Variants in TRPC4 observed in about 807,000 individuals in gnomAD.
The protein encoded by TRPC4 is short transient receptor potential channel 4.
A neutral mutation model predicts 99.4 loss-of-function variants in TRPC4; 49 were observed. The ratio of observed to expected loss-of-function variants is 0.49; its 90% confidence interval spans 0.39 to 0.63. The LOEUF is 0.63. Among genes scored for constraint, TRPC4 ranks in the 20% least tolerant of loss-of-function variants. TRPC4 has a pLI of 0.00. For missense variants in TRPC4, 898 were observed against 1,152.9 expected (o/e 0.78, Z 3.20); for synonymous variants, 454 against 425.9 (o/e 1.07, Z -0.81).
chr13:37,780,198 T>C (rs1956803985), intron 2 of TRPC4, among the ~76,000 whole-genome samples: 1 of 152,140 alleles, frequency 6.6e-6, no homozygotes, highest in African/African-American at 2.4e-5. Context: ...ATGAAATCTT[T>C]CTTTTTCCAG....
At chr13:37,853,862 T>C (rs117590346) in intron 1 of TRPC4, among the ~76,000 whole-genome samples, 10,526 of 151,784 alleles carry the variant, frequency 0.069, 495 homozygotes, top group Non-Finnish European at 0.11. Context: ...GACAGGCTAT[T>C]TGAAAATACA....
Position 37,773,064 on chromosome 13 carries a change from C to T in TRPC4, c.378+9892G>A, listed in dbSNP as rs17056625. On this transcript the variant is annotated intron_variant, in intron 2 of 10. Coordinates refer to ENST00000379705, the MANE Select transcript of TRPC4 (RefSeq NM_016179.4). ...AAATCAGTAACTTAATGCACTCAAG[C>T]TTCAGTCAGGGGCAAAGATTCAGTC... 3.8e-3 allele frequency among the ~76,000 whole-genome samples: 580 copies of T among 151,730 alleles called. 2 individuals carry two copies. The highest frequency in any genetic ancestry group is 0.013 in the African/African-American group (554 of 41,446).
chr13:37,749,896 G>T (rs1196081614), intron 2 of TRPC4, among the ~76,000 whole-genome samples: 2 of 152,004 alleles, frequency 1.3e-5, no homozygotes, highest in Admixed American at 1.3e-4. Flanking sequence ...TATACAGCTT[G>T]ATGACTTTTA....
chr13:37,868,617 G>T (rs1362557849), intron 1 of TRPC4, among the ~76,000 whole-genome samples: 1 of 143,930 alleles, frequency 6.9e-6, no homozygotes, highest in Non-Finnish European at 1.5e-5. Context: ...AACTGAAAAA[G>T]TTTTACAAGT....
intron 1 of TRPC4, among the ~76,000 whole-genome samples, chr13:37,856,478 C>G (rs938161843): frequency 2.0e-5 from 3 of 150,348 alleles, no homozygotes; most frequent in African/African-American, 7.3e-5. Context: ...CCATACTACT[C>G]AGACTATTCC....
chr13:37,766,282 T>C (rs555327394), intron 2 of TRPC4, among the ~76,000 whole-genome samples: 97 of 151,556 alleles, frequency 6.4e-4, no homozygotes, highest in Non-Finnish European at 1.2e-3. Flanking sequence ...CCTCACATCT[T>C]AACCCACTTT....
intron 1 of TRPC4, among the ~76,000 whole-genome samples, chr13:37,831,077 T>C (rs1226553689): frequency 6.6e-6 from 1 of 151,848 alleles, no homozygotes; most frequent in African/African-American, 2.4e-5. Flanking sequence ...GTTAGTTGTT[T>C]CTTTTGCTGT....
chr13:37,655,094 C>T lies in TRPC4; in HGVS notation c.1878G>A (p.Leu626=). 6.5e-7 allele frequency: 1 copy of T among 1,528,310 alleles called. No individual in the cohort carries two copies. Among genetic ancestry groups the T allele is most frequent in the Non-Finnish European group, 8.8e-7 (1 of 1,131,544 alleles). The allele number at this position is 1,528,310 out of a possible 1,614,324, so 94.7% of individuals were successfully genotyped here. The part of the protein sequence containing the change: ...LIAMMNNSYQ[L]IADHADIEWK... ...ATAAAGCTGGTCAACTTACAGCAATCAGTTGGTAAGAATTATTCATCATAG... is the reference window on the plus strand; with the variant it reads ...ATAAAGCTGGTCAACTTACAGCAATTAGTTGGTAAGAATTATTCATCATAG... Residue 626 remains leucine (L), a synonymous_variant, in exon 7 of 11, where the codon CTG becomes CTA. Coordinates refer to ENST00000379705, the MANE Select transcript of TRPC4 (RefSeq NM_016179.4).
intron 2 of TRPC4, among the ~76,000 whole-genome samples, chr13:37,782,685 G>A (rs989314941): frequency 1.3e-5 from 2 of 151,966 alleles, no homozygotes; most frequent in Non-Finnish European, 2.9e-5. Flanking sequence ...TCCAATTTAT[G>A]AGCAGTCTAC....
chr13:37,746,032 T>C lies in TRPC4; in HGVS notation c.802A>G (p.Ile268Val). 1.9e-6 allele frequency: 3 copies of C among 1,613,908 alleles called. No individual in the cohort carries two copies. Among genetic ancestry groups the C allele is most frequent in the Non-Finnish European group, 2.5e-6 (3 of 1,179,852 alleles). Residue 268 changes from isoleucine (I) to valine (V), a missense_variant, in exon 3 of 11, where the codon ATT becomes GTT. Coordinates refer to ENST00000379705, the MANE Select transcript of TRPC4 (RefSeq NM_016179.4). ...QTRSSRELEI[I>V]LNYRDDNSLI... is the part of the protein sequence containing the mutation. ...CTATTGTCATCTCGGTAATTAAGAATGATTTCCAGTTCTCTGGAACTTCTC... is the reference window on the plus strand; with the variant it reads ...CTATTGTCATCTCGGTAATTAAGAACGATTTCCAGTTCTCTGGAACTTCTC...
At chr13:37,780,000 A>G (rs1021647814) in intron 2 of TRPC4, among the ~76,000 whole-genome samples, 4 of 151,942 alleles carry the variant, frequency 2.6e-5, no homozygotes, top group African/African-American at 4.8e-5. Flanking sequence ...TCATATTCCC[A>G]TGATACTTTT....
chr13:37,660,192 G>A (rs1013553533), intron 6 of TRPC4, among the ~76,000 whole-genome samples: 2 of 152,106 alleles, frequency 1.3e-5, no homozygotes, highest in African/African-American at 2.4e-5. Flanking sequence ...TATACTTAAG[G>A]TTAGGGTTAG....
chr13:37,785,754 G>A (rs1387279213), intron 1 of TRPC4, among the ~76,000 whole-genome samples: 1 of 152,040 alleles, frequency 6.6e-6, no homozygotes, highest in Non-Finnish European at 1.5e-5. Flanking sequence ...ATTAGGTAGA[G>A]AACAGCATTT....
intron 4 of TRPC4, among the ~76,000 whole-genome samples, chr13:37,685,309 G>T (rs1234628193): frequency 6.6e-6 from 1 of 152,044 alleles, no homozygotes; most frequent in East Asian, 1.9e-4. Context: ...AAAGGATAAA[G>T]AATCTAGATC....
chr13:37,697,882 T>A (rs1267140989), intron 3 of TRPC4, among the ~76,000 whole-genome samples: 1 of 152,116 alleles, frequency 6.6e-6, no homozygotes, highest in Non-Finnish European at 1.5e-5. Context: ...TTTAATTCAG[T>A]GTAAATATAT....
chr13:37,843,705 C>CACACACACACAT lies in TRPC4; in HGVS notation c.-28+25889_-28+25890insATGTGTGTGTGT, dbSNP rs35659228. On this transcript the variant is annotated intron_variant, in intron 1 of 10. Coordinates refer to ENST00000379705, the MANE Select transcript of TRPC4 (RefSeq NM_016179.4). ...TGACACACACACACACACACACACA[C>CACACACACACAT]GCACACATACACACATGCACACACA... 5.2e-3 allele frequency among the ~76,000 whole-genome samples: 784 copies of CACACACACACAT among 151,752 alleles called. 7 individuals carry two copies. Among genetic ancestry groups the CACACACACACAT allele is most frequent in the African/African-American group, 0.018 (745 of 41,300 alleles).
At chr13:37,671,294 T>C (rs951368722) in intron 5 of TRPC4, among the ~76,000 whole-genome samples, 15 of 152,152 alleles carry the variant, frequency 9.9e-5, no homozygotes, top group African/African-American at 3.6e-4. Flanking sequence ...AGAACAAATG[T>C]AAGGTAAGGA....
chr13:37,671,196 C>T (rs1351198389), intron 5 of TRPC4, among the ~76,000 whole-genome samples: 1 of 152,024 alleles, frequency 6.6e-6, no homozygotes, highest in Non-Finnish European at 1.5e-5. Context: ...TCTACATCAG[C>T]CTCTATTTTT....
intron 3 of TRPC4, among the ~76,000 whole-genome samples, chr13:37,722,067 G>A (rs1166330706): frequency 1.3e-5 from 2 of 152,176 alleles, no homozygotes; most frequent in Non-Finnish European, 2.9e-5. Flanking sequence ...AGGAGTATAT[G>A]GAGATATGTA....
Sources: gnomAD v4.1 joint callset for allele counts (sites outside exome capture counted in the v4.1 genomes callset) on GRCh38, gnomAD v4.1.1 for gene constraint, MANE v1.5 for transcripts, NCBI Gene and HGNC (gene_info 2026-07-23, HGNC 2026-07-21) for gene names.